Variants in TEAD4 observed in about 807,000 individuals in gnomAD.
TEAD4 encodes the protein TEA domain transcription factor 4.
Under a neutral mutation model 52.4 loss-of-function variants are expected in TEAD4, and 36 were observed. The ratio of observed to expected loss-of-function variants is 0.69; its 90% CI spans 0.53 to 0.91. The LOEUF (loss-of-function observed/expected upper bound fraction) is 0.91, where lower values mean the gene tolerates loss of function less well. TEAD4 is among the 40% of genes least tolerant of loss of function. The probability of loss-of-function intolerance (pLI) is 0.00; values close to 1 mark genes in which losing one functional copy is unlikely to be tolerated. For missense variants in TEAD4, 508 were observed against 583.9 expected (o/e 0.87, Z 1.34); for synonymous variants, 220 against 231.0 (o/e 0.95, Z 0.43).
At chr12:2,961,394 A>G (rs1183867245) in intron 2 of TEAD4, among the ~76,000 whole-genome samples, 1 of 151,688 alleles carries the variant, frequency 6.6e-6, no homozygotes, top group African/African-American at 2.4e-5. Flanking sequence ...AAGGAGCCAG[A>G]AACTGTCTCG....
chr12:2,972,046 C>T (rs1346681691), intron 2 of TEAD4, among the ~76,000 whole-genome samples: 1 of 151,234 alleles, frequency 6.6e-6, no homozygotes, highest in Non-Finnish European at 1.5e-5. Flanking sequence ...CTCCTGACCT[C>T]AAGTGATCCC....
chr12:2,965,140 A>G (rs866900079), intron 2 of TEAD4, among the ~76,000 whole-genome samples: 12 of 152,024 alleles, frequency 7.9e-5, no homozygotes, highest in African/African-American at 2.2e-4. Context: ...TCCTTGCCCA[A>G]TTCTTGGTTA....
At chr12:2,993,821 T>G (rs571531072) in intron 2 of TEAD4, among the ~76,000 whole-genome samples, 1 of 152,192 alleles carries the variant, frequency 6.6e-6, no homozygotes, top group Non-Finnish European at 1.5e-5. Context: ...TCATGCAGTG[T>G]TTGGGTTGTT....
In TEAD4 at chr12:3,012,172, C is replaced by G. The variant is rs2098260829; in HGVS notation, c.294C>G (p.Val98=). ...GGAGTCCTCTCTCCCTGCCACAGGT[C>G]TCCAGCCACATCCAGGTGCTGGCTC... The change falls in exon 5 of 13, where the codon GTC becomes GTG. Residue 98 remains valine (V), a splice_region_variant and synonymous_variant. Transcript: ENST00000359864. 5.0e-6 allele frequency: 8 copies of G among 1,614,026 alleles called. No individual in the cohort carries two copies. Among genetic ancestry groups the G allele is most frequent in the Non-Finnish European group, 6.8e-6 (8 of 1,179,964 alleles).
chr12:3,031,841 T>C (rs1183571232), intron 10 of TEAD4, among the ~76,000 whole-genome samples: 1 of 152,190 alleles, frequency 6.6e-6, no homozygotes, highest in Non-Finnish European at 1.5e-5. Context: ...CTGAGCAGCC[T>C]GACCCCAGGG....
chr12:3,019,882 T>C (rs922676804), intron 8 of TEAD4, among the ~76,000 whole-genome samples: 1 of 152,160 alleles, frequency 6.6e-6, no homozygotes, highest in African/African-American at 2.4e-5. Flanking sequence ...TCAGGTCCCG[T>C]CCACCCTCTG....
chr12:2,992,374 C>T (rs2098243849), intron 2 of TEAD4, among the ~76,000 whole-genome samples: 2 of 152,080 alleles, frequency 1.3e-5, no homozygotes, highest in Admixed American at 1.3e-4. Flanking sequence ...ATGTCTGTGC[C>T]AGCTGCTTTG....
chr12:2,998,600 C>T (rs986876583), intron 3 of TEAD4, among the ~76,000 whole-genome samples: 4 of 151,950 alleles, frequency 2.6e-5, no homozygotes, highest in East Asian at 1.9e-4. Flanking sequence ...CTTCATAACA[C>T]GTCAGCGCTC....
At chr12:2,976,734 A>T (rs1421260807) in intron 2 of TEAD4, among the ~76,000 whole-genome samples, 1 of 151,732 alleles carries the variant, frequency 6.6e-6, no homozygotes, top group Non-Finnish European at 1.5e-5. Context: ...CCAGGCTGAG[A>T]GCTGAGGAGA....
intron 2 of TEAD4, among the ~76,000 whole-genome samples, chr12:2,992,688 G>T (rs965336685): frequency 1.3e-5 from 2 of 152,112 alleles, no homozygotes; most frequent in Non-Finnish European, 2.9e-5. Context: ...AGAAGGGACG[G>T]GCAATGTGTG....
chr12:2,996,471 G>A lies in TEAD4; in HGVS notation c.226+1479G>A, dbSNP rs547353876. 9.6e-4 allele frequency among the ~76,000 whole-genome samples: 145 copies of A among 150,522 alleles called. 2 individuals are homozygous for A. The highest frequency in any genetic ancestry group is 3.4e-3 in the African/African-American group (139 of 40,930). ...TTGCCCAGGCTAGAGTGCAATGGGC[G>A]CAATCTCAGCTCAACGCTACCTCTG... On this transcript the variant is annotated intron_variant, in intron 3 of 12. Transcript: ENST00000359864.
intron 2 of TEAD4, among the ~76,000 whole-genome samples, chr12:2,963,036 C>G (rs560702131): frequency 2.0e-5 from 3 of 152,272 alleles, no homozygotes; most frequent in Non-Finnish European, 2.9e-5. Flanking sequence ...TACTCTGCTC[C>G]GACCTGGCAG....
chr12:2,960,513 TC>T (rs1298152790), intron 2 of TEAD4, among the ~76,000 whole-genome samples: 1 of 151,950 alleles, frequency 6.6e-6, no homozygotes, highest in Non-Finnish European at 1.5e-5. Context: ...AGTGAACATT[TC>T]CCCCGTTGTG....
intron 2 of TEAD4, among the ~76,000 whole-genome samples, chr12:2,975,253 G>C (rs1053071417): frequency 1.3e-5 from 2 of 151,454 alleles, no homozygotes; most frequent in Admixed American, 1.3e-4. Context: ...ACTTCCCGTA[G>C]ATACATTCTT....
chr12:3,026,056 G>T (rs539028840), intron 10 of TEAD4, among the ~76,000 whole-genome samples: 2 of 152,214 alleles, frequency 1.3e-5, no homozygotes, highest in South Asian at 4.2e-4. Context: ...GTACTTGGTA[G>T]GCACTTTTAA....
chr12:2,993,187 A>G (rs2098244537), intron 2 of TEAD4, among the ~76,000 whole-genome samples: 1 of 152,208 alleles, frequency 6.6e-6, no homozygotes, highest in Non-Finnish European at 1.5e-5. Context: ...TATATTCACA[A>G]TGCTGCGCAG....
intron 2 of TEAD4, chr12:2,960,386 G>A (rs2098214308): frequency 2.6e-5 from 26 of 985,380 alleles, no homozygotes; most frequent in Non-Finnish European, 3.0e-5. Flanking sequence ...GTGCAAAGGC[G>A]ATGCGAAAGT....
intron 2 of TEAD4, among the ~76,000 whole-genome samples, chr12:2,989,161 A>G (rs947015444): frequency 6.6e-6 from 1 of 151,980 alleles, no homozygotes. Flanking sequence ...ACCCTGTGGG[A>G]TCTCCTGGCT....
At chr12:3,030,987 T>C (rs1446855312) in intron 10 of TEAD4, among the ~76,000 whole-genome samples, 1 of 152,202 alleles carries the variant, frequency 6.6e-6, no homozygotes, top group African/African-American at 2.4e-5. Context: ...ACTCCTGCAG[T>C]GGAGACCAGG....
Sources: allele counts gnomAD v4.1 joint callset (sites outside exome capture counted in the v4.1 genomes callset), GRCh38; gene constraint gnomAD v4.1.1; transcripts MANE v1.5; gene names NCBI Gene and HGNC (gene_info 2026-07-23, HGNC 2026-07-21).